The following NAV1 variants were observed in gnomAD, a reference collection of about 807,000 sequenced individuals.
The protein encoded by NAV1 is neuron navigator 1.
In NAV1, 18 loss-of-function variants were observed where a neutral mutation model predicts 175.2. The observed-to-expected ratio is 0.10, with a 90% CI of 0.07 to 0.15. NAV1 has a LOEUF of 0.15. Ranked by LOEUF, NAV1 falls within the 10% of genes least tolerant of loss-of-function variation. NAV1 has a pLI of 1.00. For missense variants in NAV1, 1,731 were observed against 2,436.6 expected (o/e 0.71, Z 6.10); for synonymous variants, 897 against 978.7 (o/e 0.92, Z 1.56).
upstream of NAV1, among the ~76,000 whole-genome samples, chr1:201,621,183 G>A (rs781653387): frequency 6.6e-6 from 1 of 152,130 alleles, no homozygotes. Flanking sequence ...GCCTCCCAAA[G>A]TGCTAGGATT....
intron 1 of NAV1, among the ~76,000 whole-genome samples, chr1:201,681,943 C>T (rs916212832): frequency 3.9e-5 from 6 of 152,214 alleles, no homozygotes; most frequent in African/African-American, 1.4e-4. Context: ...GGTGAAACCC[C>T]CATCTCTACT....
At chr1:201,568,062 T>G (rs1459251162) in intron 1 of NAV1, among the ~76,000 whole-genome samples, 1 of 152,158 alleles carries the variant, frequency 6.6e-6, no homozygotes, top group Non-Finnish European at 1.5e-5. Context: ...CACGTAAGCA[T>G]AGGCTGCCTG....
At chr1:201,576,150 G>A (rs776999195) in intron 1 of NAV1, among the ~76,000 whole-genome samples, 12 of 152,110 alleles carry the variant, frequency 7.9e-5, no homozygotes, top group African/African-American at 1.4e-4. Flanking sequence ...TTAAAGGCAC[G>A]CCCACTTCTC....
chr1:201,809,601 G>A, intron 22 of NAV1, 64 bp downstream of exon 26: 1 of 1,487,418 alleles, frequency 6.7e-7, no homozygotes, highest in Non-Finnish European at 9.3e-7. Context: ...TACTTTTTTA[G>A]AGACAGGGTC....
chr1:201,643,130 CTTTCCCTTCCTTCCTTCCTCT>C (rs1216427346), intron 2 of NAV1, among the ~76,000 whole-genome samples: 1 of 147,870 alleles, frequency 6.8e-6, no homozygotes, highest in Non-Finnish European at 1.5e-5. Flanking sequence ...TTCCTTCCTT[CTTTCCCTTCCTTCCTTCCTCT>C]CTCTCTTTCT....
rs185390445 is a variant in NAV1 at position 201,705,655 on chromosome 1, G to A, written c.758-7162G>A. Among the ~76,000 whole-genome samples the A allele has an allele frequency of 2.8e-3, 419 of 152,322 alleles. 2 individuals are homozygous for A. The highest frequency in any genetic ancestry group is 3.4e-3 in the Non-Finnish European group (234 of 68,036). The stretch of plus-strand genomic sequence containing the variant: ...GGGGAACGAGGGAAAGATAGGATTA[G>A]TAAGAGAACAAATAGTCCCCTGCCT... On this transcript the variant is annotated intron_variant, in intron 1 of 29. Coordinates refer to ENST00000367296, the Ensembl canonical transcript of NAV1.
intron 1 of NAV1, chr1:201,688,167 A>G (rs948151186): frequency 6.6e-6 from 1 of 152,230 alleles, no homozygotes; most frequent in African/African-American, 2.4e-5. Flanking sequence ...GGTGCCGTCA[A>G]CTGTTCTGAT....
intron 1 of NAV1, among the ~76,000 whole-genome samples, chr1:201,687,430 G>A (rs1670729079): frequency 6.6e-6 from 1 of 152,204 alleles, no homozygotes; most frequent in Admixed American, 6.5e-5. Context: ...GTAACCAAAA[G>A]GGACCAGGAT....
At chr1:201,699,283 C>T (rs1671312760) in intron 1 of NAV1, among the ~76,000 whole-genome samples, 1 of 152,104 alleles carries the variant, frequency 6.6e-6, no homozygotes, top group South Asian at 2.1e-4. Context: ...ACAAGCATTC[C>T]TATACACCAA....
chr1:201,551,604 A>C (rs1254134482), intron 1 of NAV1, among the ~76,000 whole-genome samples: 2 of 152,222 alleles, frequency 1.3e-5, no homozygotes, highest in African/African-American at 4.8e-5. Flanking sequence ...AATCATATTG[A>C]GCTTTTAAAT....
chr1:201,621,478 C>T (rs1005452907), upstream of NAV1, among the ~76,000 whole-genome samples: 1 of 151,750 alleles, frequency 6.6e-6, no homozygotes, highest in African/African-American at 2.4e-5. Flanking sequence ...GGATTACAGG[C>T]GTGCCACCAC....
intron 2 of NAV1, among the ~76,000 whole-genome samples, chr1:201,608,647 T>C (rs1164179044): frequency 6.6e-6 from 1 of 152,208 alleles, no homozygotes; most frequent in Non-Finnish European, 1.5e-5. Context: ...TCCTGGTGTC[T>C]GGCAGGATGC....
Position 201,810,388 on chromosome 1 carries a change from T to G in NAV1, c.4562-135T>G. The G allele has an allele frequency of 1.1e-6, 1 of 880,846 alleles. No individual in the cohort carries two copies. The highest frequency in any genetic ancestry group is 1.7e-6 in the Non-Finnish European group (1 of 581,192). 54.6% of individuals were successfully genotyped at this position (880,846 alleles called of 1,614,324 possible). On this transcript the variant is annotated intron_variant, in intron 23 of 29. Coordinates refer to ENST00000367296, the Ensembl canonical transcript of NAV1. The surrounding 1 kb of genome is among the most constrained non-coding windows in gnomAD (Gnocchi z 6.0). ...TTTTCAAAACTAGGGGTTAAGGGACTCTTATGGAACCATGGGGCAAGTGGC... is the reference window on the plus strand; with the variant it reads ...TTTTCAAAACTAGGGGTTAAGGGACGCTTATGGAACCATGGGGCAAGTGGC...
At chr1:201,684,132 T>C (rs928796936) in intron 1 of NAV1, among the ~76,000 whole-genome samples, 12 of 152,294 alleles carry the variant, frequency 7.9e-5, no homozygotes, top group African/African-American at 2.9e-4. Context: ...TTTCCTTGCT[T>C]TTCGGCCCTA....
At position 201,812,083 on chromosome 1, in the gene NAV1, C is replaced by A. The variant is rs956993601; in HGVS notation, c.5024+109C>A. On this transcript the variant is annotated intron_variant, in intron 26 of 29. Transcript: ENST00000367296. The surrounding 1 kb of genome is among the most constrained non-coding windows in gnomAD (Gnocchi z 4.6). ...GAGAAGGAAAGAGAAGTATCCAGAG[C>A]TTTTTGGGCTGGAAATAGAAAGTAG... The A allele has an allele frequency of 1.0e-5, 11 of 1,075,102 alleles. No homozygotes were observed. In the South Asian group the frequency reaches 1.0e-4, roughly 10 times the overall value. 66.6% of individuals were successfully genotyped at this position (1,075,102 alleles called of 1,614,324 possible).
chr1:201,657,532 T>C (rs541108929), intron 1 of NAV1, among the ~76,000 whole-genome samples: 32 of 152,214 alleles, frequency 2.1e-4, no homozygotes, highest in Non-Finnish European at 4.3e-4. Flanking sequence ...GAACAAGACC[T>C]GATAGGAGAT....
At chr1:201,556,539 C>A (rs957134531) in intron 1 of NAV1, among the ~76,000 whole-genome samples, 8 of 152,118 alleles carry the variant, frequency 5.3e-5, no homozygotes, top group Non-Finnish European at 1.2e-4. Context: ...GGAAGGGCCT[C>A]TTGGGAGGTG....
rs765571689 is a variant in NAV1, at chr1:201,803,582, C to T, written c.3518-11C>T. On this transcript the variant is annotated splice_polypyrimidine_tract_variant and intron_variant, in intron 15 of 29. Coordinates refer to ENST00000367296, the Ensembl canonical transcript of NAV1. ...CTGTTCTATGTTTTTCCCACTTGTA[C>T]TTGGCCCTAGAACTTCGGATCAAGA... The T allele has an allele frequency of 6.2e-7, 1 of 1,612,360 alleles. No homozygotes were observed. The highest frequency in any genetic ancestry group is 8.5e-7 in the Non-Finnish European group (1 of 1,179,184).
At position 201,625,855 on chromosome 1, in the gene NAV1, C is replaced by T. The variant is rs534981077; in HGVS notation, c.-101+2249C>T. Among the ~76,000 whole-genome samples the T allele has an allele frequency of 3.3e-5, 5 of 152,348 alleles. No homozygotes were observed. The Middle Eastern group carries it at 0.014, about 415-fold the overall frequency. ...TCCAAAGAGCTCAGAATTCTTCATTCAAATATTTTAATGCAGCTTAAACAG... is the reference window on the plus strand; with the variant it reads ...TCCAAAGAGCTCAGAATTCTTCATTTAAATATTTTAATGCAGCTTAAACAG... On this transcript the variant is annotated intron_variant, in intron 1 of 29. Coordinates refer to the NAV1 transcript ENST00000367302.
Sources: gnomAD v4.1 joint callset for allele counts (sites outside exome capture counted in the v4.1 genomes callset) on GRCh38, gnomAD v4.1.1 for gene constraint, Gnocchi (gnomAD v3.1) non-coding constraint, MANE v1.5 for transcripts, NCBI Gene and HGNC (gene_info 2026-07-23, HGNC 2026-07-21) for gene names.